The following ZNF761 variants were observed in gnomAD, a reference collection of about 807,000 sequenced individuals.
ZNF761 encodes zinc finger protein 761.
ZNF761 carries 43 observed loss-of-function variants against 59.9 expected under a neutral mutation model. The ratio of observed to expected loss-of-function variants is 0.72; its 90% confidence interval spans 0.56 to 0.92. The LOEUF (loss-of-function observed/expected upper bound fraction) is 0.92, where lower values mean the gene tolerates loss of function less well. Among genes scored for constraint, ZNF761 ranks in the 40% least tolerant of loss-of-function variants. The pLI is 0.00. For missense variants in ZNF761, 850 were observed against 906.1 expected, an observed-to-expected ratio of 0.94 and a Z score of 0.79; for synonymous variants, 294 against 304.8, an observed-to-expected ratio of 0.96 and a Z score of 0.37.
intron 1 of ZNF761, chr19:53,441,826 G>C (rs1195299768): frequency 4.9e-6 from 7 of 1,436,766 alleles, no homozygotes; most frequent in East Asian, 4.6e-5. Flanking sequence ...GTGGAGGAAG[G>C]AGGAACCGGA....
At chr19:53,453,158 C>T (rs1239359258) in intron 4 of ZNF761, among the ~76,000 whole-genome samples, 2 of 152,112 alleles carry the variant, frequency 1.3e-5, no homozygotes, top group African/African-American at 4.8e-5. Context: ...CCCACCACCA[C>T]GACCAGCTAA....
In ZNF761 at chr19:53,455,160, A is replaced by G. The variant is rs763102087; in HGVS notation, c.653A>G (p.Asn218Ser). 32 of 1,614,206 alleles carry G rather than the reference A, an allele frequency of 2.0e-5. No homozygotes were observed. Among genetic ancestry groups the G allele is most frequent in the Non-Finnish European group, 2.7e-5 (32 of 1,180,026 alleles). ...ATGAGAGAAAAATCTTTCCAATGTA[A>G]TGAGAGTGGCAAAGCCTTTAATTAC... Reference protein sequence around the residue: ...VHMREKSFQCNESGKAFNYSS... With the variant: ...VHMREKSFQCSESGKAFNYSS... Residue 218 changes from asparagine to serine, a missense_variant, in exon 5 of 5, where the codon AAT (asparagine) becomes AGT (serine). By Grantham distance (46) the Asn-to-Ser change is conservative. Coordinates refer to ENST00000684525, the MANE Select transcript of ZNF761 (RefSeq NM_001289951.2).
At chr19:53,445,605 T>G (rs111561564) in intron 1 of ZNF761, among the ~76,000 whole-genome samples, 30,360 of 151,956 alleles carry the variant, frequency 0.2, 3,450 homozygotes, top group Non-Finnish European at 0.26. Context: ...GTGCATGTCT[T>G]GGCGTGGCCT....
intron 4 of ZNF761, chr19:53,450,141 A>T: frequency 4.2e-6 from 1 of 238,122 alleles, no homozygotes; most frequent in Non-Finnish European, 8.1e-6. Flanking sequence ...CGTCTCTACT[A>T]AAAATAGAAA....
At chr19:53,435,285 A>G (rs1043088552) in intron 1 of ZNF761, among the ~76,000 whole-genome samples, 2 of 128,806 alleles carry the variant, frequency 1.6e-5, no homozygotes, top group Non-Finnish European at 1.6e-5. Context: ...TATAAATACA[A>G]GTCCTTTTTT....
At chr19:53,453,718 A>G (rs1451563287) in intron 4 of ZNF761, among the ~76,000 whole-genome samples, 1 of 152,062 alleles carries the variant, frequency 6.6e-6, no homozygotes, top group Non-Finnish European at 1.5e-5. Flanking sequence ...TCTACTAAAA[A>G]TACAAAAATT....
intron 1 of ZNF761, among the ~76,000 whole-genome samples, chr19:53,433,420 G>T (rs547531412): frequency 6.9e-6 from 1 of 144,350 alleles, no homozygotes; most frequent in South Asian, 2.2e-4. Context: ...CTGGGAAGGT[G>T]GGGGGCTGTC....
chr19:53,448,731 C>T (rs902621213), intron 3 of ZNF761, among the ~76,000 whole-genome samples: 1 of 151,736 alleles, frequency 6.6e-6, no homozygotes, highest in East Asian at 1.9e-4. Flanking sequence ...ACCTCAGGCT[C>T]CCAAGTAGCT....
intron 4 of ZNF761, 30 bp from the exon 5 acceptor site, chr19:53,454,620 T>C: frequency 6.5e-7 from 1 of 1,544,596 alleles, no homozygotes; most frequent in Non-Finnish European, 8.7e-7. Flanking sequence ...TGTACTTAAT[T>C]TGAAAGCTTT....
rs769774148 is a variant in ZNF761, at chr19:53,456,129, G to T, written c.1622G>T (p.Arg541Leu). 1 of 1,613,196 alleles carries T rather than the reference G, an allele frequency of 6.2e-7. No individual in the cohort carries two copies. The highest frequency in any genetic ancestry group is 8.5e-7 in the Non-Finnish European group (1 of 1,179,568). The stretch of plus-strand genomic sequence containing the variant: ...TGGAAGTCATCCCTTACCTGCCATC[G>T]TAGACTTCATTCTGGAGAGAAACCT... ...FSWKSSLTCH[R>L]RLHSGEKPYK... is the part of the protein sequence containing the mutation. Residue 541 changes from arginine to leucine, a missense_variant, in exon 5 of 5, where the codon CGT becomes CTT. Physicochemically the swap from Arg to Leu is moderately radical, Grantham distance 102. Coordinates refer to ENST00000684525, the MANE Select transcript of ZNF761 (RefSeq NM_001289951.2).
chr19:53,456,140 T>C lies in ZNF761; in HGVS notation c.1633T>C (p.Ser545Pro). The C allele has an allele frequency of 1.2e-6, 2 of 1,605,388 alleles. No homozygotes were observed. The highest frequency in any genetic ancestry group is 1.7e-6 in the Non-Finnish European group (2 of 1,176,622). ...CCTTACCTGCCATCGTAGACTTCAT[T>C]CTGGAGAGAAACCTTACAAGTGTAA... ...SSLTCHRRLH[S>P]GEKPYKCKEC... The change falls in exon 5 of 5, where the codon TCT (serine) becomes CCT (proline). Residue 545 changes from serine to proline, a missense_variant. Coordinates refer to ENST00000684525, the MANE Select transcript of ZNF761 (RefSeq NM_001289951.2).
chr19:53,440,659 A>G (rs564015534), intron 1 of ZNF761, among the ~76,000 whole-genome samples: 1 of 150,634 alleles, frequency 6.6e-6, no homozygotes, highest in African/African-American at 2.4e-5. Context: ...CTGTTATTAC[A>G]TAATACTTTT....
chr19:53,457,552 C>T lies in ZNF761; in HGVS notation c.*804C>T, dbSNP rs1256907027. On this transcript the variant is annotated 3_prime_UTR_variant, in exon 5 of 5. Coordinates refer to ENST00000684525, the MANE Select transcript of ZNF761 (RefSeq NM_001289951.2). ...ACTCCTTGCAGAATATGAGAAAATT[C>T]ATTTTGGAGGTAGTTGGTCCATATG... 2 of 334,276 alleles carry T rather than the reference C, an allele frequency of 6.0e-6. No homozygotes were observed. Among genetic ancestry groups the T allele is most frequent in the Non-Finnish European group, 1.2e-5 (2 of 167,560 alleles). 20.7% of individuals were successfully genotyped at this position (334,276 alleles called of 1,614,324 possible).
chr19:53,454,589 AT>A (rs2086247133), intron 4 of ZNF761, 60 bp from the exon 5 acceptor site: 1 of 1,481,748 alleles, frequency 6.7e-7, no homozygotes, highest in Non-Finnish European at 9.0e-7. Context: ...GTATTTACAC[AT>A]TTCAGCATTA....
intron 1 of ZNF761, among the ~76,000 whole-genome samples, chr19:53,437,272 C>T (rs2708806): frequency 0.73 from 110,482 of 151,140 alleles, 40,793 homozygotes; most frequent in Non-Finnish European, 0.78. Context: ...GAGCCAAGAT[C>T]GCACCACTGC....
intron 3 of ZNF761, among the ~76,000 whole-genome samples, chr19:53,449,271 A>G (rs1279857707): frequency 6.6e-6 from 1 of 152,116 alleles, no homozygotes; most frequent in Non-Finnish European, 1.5e-5. Flanking sequence ...TGGAGGTTGC[A>G]GTGAGCGCAG....
At chr19:53,450,070 C>A in intron 4 of ZNF761, 1 of 359,346 alleles carries the variant, frequency 2.8e-6, no homozygotes, top group Non-Finnish European at 5.0e-6. Flanking sequence ...TTTGGGAGGC[C>A]AAGGTGGGTG....
chr19:53,443,367 G>C (rs1476012778), intron 1 of ZNF761: 1 of 152,818 alleles, frequency 6.5e-6, no homozygotes, highest in Non-Finnish European at 1.5e-5. Context: ...CCAACACCGG[G>C]CTGTGGGGGC....
At chr19:53,453,788 A>G (rs917615891) in intron 4 of ZNF761, among the ~76,000 whole-genome samples, 9 of 152,184 alleles carry the variant, frequency 5.9e-5, no homozygotes, top group Admixed American at 5.9e-4. Flanking sequence ...AGGCAGGAGA[A>G]TGGCTTCAAC....
Sources: allele counts gnomAD v4.1 joint callset (sites outside exome capture counted in the v4.1 genomes callset), GRCh38; gene constraint gnomAD v4.1.1; transcripts MANE v1.5; gene names NCBI Gene and HGNC (gene_info 2026-07-23, HGNC 2026-07-21).